The following ASXL1 variants were observed in gnomAD, a reference collection of about 807,000 sequenced individuals.
ASXL1 encodes the protein ASXL transcriptional regulator 1.
ASXL1 carries 65 observed loss-of-function variants against 89.1 expected under a neutral mutation model. That is an observed-to-expected ratio of 0.73 (90% confidence interval 0.60 to 0.90). ASXL1 has a LOEUF of 0.90. Ranked by LOEUF, ASXL1 falls within the 40% of genes least tolerant of loss-of-function variation. The probability of loss-of-function intolerance (pLI) is 0.00; values close to 1 mark genes in which losing one functional copy is unlikely to be tolerated. For synonymous variants in ASXL1, 739 were observed against 746.9 expected (o/e 0.99, Z 0.17); for missense variants, 1,786 against 1,942.9 (o/e 0.92, Z 1.52).
intron 4 of ASXL1, among the ~76,000 whole-genome samples, chr20:32,381,048 C>T (rs1264270230): frequency 6.6e-6 from 1 of 152,186 alleles, no homozygotes; most frequent in African/African-American, 2.4e-5. Flanking sequence ...TTCTCAAACA[C>T]CCCAATCTTG....
At chr20:32,371,553 C>T (rs1195702562) in intron 4 of ASXL1, among the ~76,000 whole-genome samples, 1 of 152,060 alleles carries the variant, frequency 6.6e-6, no homozygotes, top group East Asian at 1.9e-4. Context: ...TCCCAAACTG[C>T]CAGGATTACA....
At chr20:32,366,001 C>G (rs866835545) in intron 1 of ASXL1, among the ~76,000 whole-genome samples, 1 of 152,004 alleles carries the variant, frequency 6.6e-6, no homozygotes, top group Non-Finnish European at 1.5e-5. Flanking sequence ...TATATATATA[C>G]TAATCAAACT....
At position 32,431,426 on chromosome 20, in the gene ASXL1, C is replaced by A. The variant is rs2123234921; in HGVS notation, c.824C>A (p.Ala275Asp). ...RALINSRTFHALPSHFQQQLL... is the reference protein window; with the variant it reads ...RALINSRTFHDLPSHFQQQLL... ...CTGATCAACTCTCGGACCTTCCATG[C>A]CTTACCATCACACTTCCAGCAGCAG... The change falls in exon 9 of 13, where the codon GCC becomes GAC. Residue 275 changes from alanine (A) to aspartate (D), a missense_variant. Physicochemically the swap from Ala to Asp is moderately radical, Grantham distance 126. Transcript: ENST00000375687. The A allele has an allele frequency of 6.2e-7, 1 of 1,614,186 alleles. No individual in the cohort carries two copies. Among genetic ancestry groups the A allele is most frequent in the Non-Finnish European group, 8.5e-7 (1 of 1,180,024 alleles).
rs371131434 is a variant in ASXL1 at position 32,436,199 on chromosome 20, G to A, written c.3487G>A (p.Asp1163Asn). 3.2e-5 allele frequency: 52 copies of A among 1,614,242 alleles called. No individual in the cohort carries two copies. The East Asian group carries it at 3.8e-4, about 12-fold the overall frequency. The change falls in exon 13 of 13, where the codon GAT becomes AAT. Residue 1163 changes from aspartate to asparagine, a missense_variant. Asp to Asn is a conservative substitution (Grantham distance 23). Around this residue, in one of 3 missense-constraint regions of ASXL1, gnomAD observed 1,418 missense variants for 1,427.8 expected, o/e 0.99. Transcript: ENST00000375687. The stretch of plus-strand genomic sequence containing the variant: ...TCTTGGAAAAAACAGTGGCATGGTT[G>A]ATGGAAGCAGCCCCAGTTCTTTAAG... ...HGLGKNSGMV[D>N]GSSPSSLRAL...
At chr20:32,359,241 G>C (rs1449853684) in intron 1 of ASXL1, 1 of 701,728 alleles carries the variant, frequency 1.4e-6, no homozygotes, top group Non-Finnish European at 2.6e-6. Flanking sequence ...CTTCCTGGTG[G>C]GTAATGGGGT....
chr20:32,361,311 T>C (rs1306119270), intron 1 of ASXL1, among the ~76,000 whole-genome samples: 3 of 152,046 alleles, frequency 2.0e-5, no homozygotes, highest in African/African-American at 7.3e-5. Flanking sequence ...ACCACTGCAC[T>C]CCAGCCTGGG....
At chr20:32,410,974 G>A (rs531736900) in intron 4 of ASXL1, among the ~76,000 whole-genome samples, 1 of 147,388 alleles carries the variant, frequency 6.8e-6, no homozygotes, top group East Asian at 2.0e-4. Context: ...GGAGGTTGCA[G>A]TGAGCTGAGA....
chr20:32,362,493 A>G (rs1023551999), intron 1 of ASXL1, among the ~76,000 whole-genome samples: 1 of 151,926 alleles, frequency 6.6e-6, no homozygotes, highest in Non-Finnish European at 1.5e-5. Context: ...AAAATTAGCC[A>G]GGCGTGGTGG....
chr20:32,411,410 T>C (rs1042962576), intron 4 of ASXL1, among the ~76,000 whole-genome samples: 22 of 151,318 alleles, frequency 1.5e-4, no homozygotes, highest in African/African-American at 5.1e-4. Context: ...GTCTTTTTAG[T>C]AGAGACGGTT....
At chr20:32,364,134 G>A (rs1206837523) in intron 1 of ASXL1, among the ~76,000 whole-genome samples, 3 of 152,190 alleles carry the variant, frequency 2.0e-5, no homozygotes, top group Non-Finnish European at 4.4e-5. Context: ...TTCTTTACCG[G>A]TGGGCCAGTG....
At chr20:32,410,438 GC>G (rs771479348) in intron 4 of ASXL1, among the ~76,000 whole-genome samples, 2 of 152,022 alleles carry the variant, frequency 1.3e-5, no homozygotes, top group African/African-American at 2.4e-5. Context: ...ACTGTGCCCA[GC>G]CCCCCAAGTT....
chr20:32,433,180 T>C, intron 11 of ASXL1, 104 bp from the exon 12 acceptor site: 2 of 1,565,940 alleles, frequency 1.3e-6, no homozygotes, highest in Non-Finnish European at 1.7e-6. Flanking sequence ...CACACAGATT[T>C]ATTTTGTTCT....
intron 11 of ASXL1, 98 bp from the exon 12 acceptor site, chr20:32,433,186 G>A (rs2011580058): frequency 1.3e-6 from 2 of 1,570,926 alleles, no homozygotes; most frequent in Non-Finnish European, 1.7e-6. Context: ...GATTTATTTT[G>A]TTCTGAGATA....
intron 3 of ASXL1, 119 bp from the exon 4 acceptor site, chr20:32,368,896 T>C (rs182245434): frequency 3.6e-5 from 27 of 748,440 alleles, no homozygotes; most frequent in Non-Finnish European, 5.8e-5. Flanking sequence ...TGTCATGAGA[T>C]TTTTTCTTCT....
intron 8 of ASXL1, chr20:32,430,422 A>G: frequency 7.4e-6 from 2 of 270,644 alleles, no homozygotes; most frequent in Non-Finnish European, 1.4e-5. Context: ...TTTGTTCCCA[A>G]CATCTGTAGT....
rs1444168328 is a variant in ASXL1, at chr20:32,435,930, G to A, written c.3218G>A (p.Arg1073His). 6 of 1,614,128 alleles carry A rather than the reference G, an allele frequency of 3.7e-6. No individual in the cohort carries two copies. Among genetic ancestry groups the A allele is most frequent in the Admixed American group, 1.7e-5 (1 of 60,024 alleles). ...QSWVSRVCAV[R>H]QKIPDSLLLA... The stretch of plus-strand genomic sequence containing the variant: ...TGGGTGTCTCGAGTATGTGCGGTCC[G>A]CCAAAAGATCCCAGATTCCCTACTG... The change falls in exon 13 of 13, where the codon CGC (arginine) becomes CAC (histidine). Residue 1073 changes from arginine to histidine, a missense_variant. Transcript: ENST00000375687.
chr20:32,432,872 C>T lies in ASXL1; in HGVS notation c.980-8C>T, dbSNP rs1331298467. Reference sequence around the variant, plus strand: ...TGCACTTACTAGAAGAGGTTTATTTCTCCCTAGGTGAATTTACTCATGAGA... The same window carrying T: ...TGCACTTACTAGAAGAGGTTTATTTTTCCCTAGGTGAATTTACTCATGAGA... On this transcript the variant is annotated splice_polypyrimidine_tract_variant and splice_region_variant and intron_variant, in intron 10 of 12. Transcript: ENST00000375687. 3.7e-6 allele frequency: 6 copies of T among 1,613,594 alleles called. No homozygotes were observed. The highest frequency in any genetic ancestry group is 3.3e-5 in the Admixed American group (2 of 60,008).
In ASXL1 at chr20:32,397,210, T is replaced by A. The variant is rs12480441; in HGVS notation, c.252+28087T>A. Among the ~76,000 whole-genome samples, 926 of 127,252 alleles carry A rather than the reference T, an allele frequency of 7.3e-3. 6 individuals are homozygous for A. Among genetic ancestry groups the A allele is most frequent in the Non-Finnish European group, 0.011 (684 of 60,558 alleles). 83.5% of individuals were successfully genotyped at this position (127,252 alleles called of 152,430 possible). Reference sequence around the variant, plus strand: ...AAGGGGTAAGCCCCCATGCCTGGCCTTTTTTTTTTTTTTTTTGTGGGGTGA... The same window carrying A: ...AAGGGGTAAGCCCCCATGCCTGGCCATTTTTTTTTTTTTTTTGTGGGGTGA... On this transcript the variant is annotated intron_variant, in intron 4 of 12. Coordinates refer to ENST00000375687, the MANE Select transcript of ASXL1 (RefSeq NM_015338.6).
chr20:32,412,519 G>A (rs1171559620), intron 4 of ASXL1, among the ~76,000 whole-genome samples: 1 of 151,850 alleles, frequency 6.6e-6, no homozygotes, highest in East Asian at 1.9e-4. Flanking sequence ...AATTTTAAAT[G>A]TATCACAACC....
Sources: allele counts gnomAD v4.1 joint callset (sites outside exome capture counted in the v4.1 genomes callset), GRCh38; gene constraint gnomAD v4.1.1; regional missense constraint gnomAD v4.1.1; transcripts MANE v1.5; gene names NCBI Gene and HGNC (gene_info 2026-07-23, HGNC 2026-07-21).